The following ODAD2 variants were observed in gnomAD, a reference collection of about 807,000 sequenced individuals.
ODAD2 encodes outer dynein arm docking complex subunit 2, also known as outer dynein arm-docking complex subunit 2.
A neutral mutation model predicts 106.8 loss-of-function variants in ODAD2; 89 were observed. The ratio of observed to expected loss-of-function variants is 0.83; its 90% confidence interval spans 0.70 to 0.99. The LOEUF is 0.99. ODAD2 is among the 50% of genes least tolerant of loss of function. The pLI is 0.00. For missense variants in ODAD2, 1,168 were observed against 1,238.5 expected (o/e 0.94, Z 0.85); for synonymous variants, 404 against 436.2 (o/e 0.93, Z 0.92).
chr10:27,900,511 G>C (rs571881000), intron 17 of ODAD2, among the ~76,000 whole-genome samples: 17 of 152,042 alleles, frequency 1.1e-4, no homozygotes, highest in Middle Eastern at 3.4e-3. Context: ...TAACAAACTC[G>C]TCTGAGCTAA....
At position 27,852,229 on chromosome 10, in the gene ODAD2, G is replaced by C. The variant is rs572319767; in HGVS notation, c.3021+8396C>G. Among the ~76,000 whole-genome samples the C allele has an allele frequency of 2.6e-5, 4 of 152,272 alleles. No individual in the cohort carries two copies. The East Asian group carries it at 5.8e-4, about 22-fold the overall frequency. ...TATCAGGAGAAAATCTGCATTTACA[G>C]AAAGGAATAAATAGCACTGGAAACA... is the stretch of plus-strand genomic sequence containing the variant. On this transcript the variant is annotated intron_variant, in intron 19 of 19. Coordinates refer to ENST00000305242, the MANE Select transcript of ODAD2 (RefSeq NM_018076.5).
chr10:27,907,888 A>ATT (rs3839908), intron 16 of ODAD2, 111 bp from the exon 17 acceptor site: 1,452 of 584,436 alleles, frequency 2.5e-3, no homozygotes, highest in African/African-American at 4.7e-3. Context: ...TTTGCTTAGA[A>ATT]TTTTTTTTTT....
rs143874747 is a variant in ODAD2 at position 27,813,804 on chromosome 10, A to G, written c.3022-1179T>C. Among the ~76,000 whole-genome samples the G allele has an allele frequency of 1.3e-3, 191 of 152,314 alleles. 1 individual carries two copies. Among genetic ancestry groups the G allele is most frequent in the African/African-American group, 4.2e-3 (176 of 41,584 alleles). On this transcript the variant is annotated intron_variant, in intron 19 of 19. Transcript: ENST00000305242. ...AGAAAGGTAGCTCTTACAGCAAATT[A>G]TATAGACTGTAGAGAAAAGAGGAGG... is the stretch of plus-strand genomic sequence containing the variant.
At chr10:27,896,313 A>T (rs1842850803) in intron 17 of ODAD2, among the ~76,000 whole-genome samples, 1 of 152,234 alleles carries the variant, frequency 6.6e-6, no homozygotes, top group Admixed American at 6.5e-5. Context: ...ATCTGCTAGG[A>T]AAAGTCTGAC....
chr10:27,831,829 CTGTT>C (rs765196629), intron 19 of ODAD2, among the ~76,000 whole-genome samples: 93 of 152,372 alleles, frequency 6.1e-4, no homozygotes, highest in Admixed American at 1.4e-3. Flanking sequence ...TCAATGGAGC[CTGTT>C]TGTTTCTGCA....
chr10:27,887,066 T>A (rs1170674063), intron 17 of ODAD2, among the ~76,000 whole-genome samples: 1 of 151,958 alleles, frequency 6.6e-6, no homozygotes, highest in Non-Finnish European at 1.5e-5. Context: ...TCAAAATACA[T>A]TGGCAAAATG....
At chr10:27,881,788 A>G (rs1290373069) in intron 17 of ODAD2, among the ~76,000 whole-genome samples, 1 of 152,222 alleles carries the variant, frequency 6.6e-6, no homozygotes, top group Non-Finnish European at 1.5e-5. Flanking sequence ...TGTGTTGTAC[A>G]TTGTGAGATT....
chr10:27,833,740 A>G (rs1297134603), intron 19 of ODAD2, among the ~76,000 whole-genome samples: 4 of 152,198 alleles, frequency 2.6e-5, no homozygotes, highest in Admixed American at 6.5e-5. Flanking sequence ...GTAGACAAGA[A>G]AGGCTTGACT....
chr10:27,818,507 G>T (rs915128310), intron 19 of ODAD2, among the ~76,000 whole-genome samples: 2 of 152,072 alleles, frequency 1.3e-5, no homozygotes, highest in African/African-American at 4.8e-5. Context: ...TTACAGCCAG[G>T]TCATCACAAT....
At position 27,862,463 on chromosome 10, in the gene ODAD2, CA is replaced by C. The variant is rs1485690522; in HGVS notation, c.2769del (p.Val924PhefsTer15). ...ENLAVITDHG[V>X]VPLLSKLANT... ...TTTGCCAGTTTGGACAATAAAGGAA[CA>C]ACTCCATGATCTGTGATAACAGCTA... On this transcript the variant is annotated frameshift_variant, in exon 18 of 20. Coordinates refer to ENST00000305242, the MANE Select transcript of ODAD2 (RefSeq NM_018076.5). LOFTEE classifies it high-confidence loss of function. 1 of 1,609,386 alleles carries C rather than the reference CA, an allele frequency of 6.2e-7. No individual in the cohort carries two copies. The highest frequency in any genetic ancestry group is 8.5e-7 in the Non-Finnish European group (1 of 1,178,302).
At position 27,935,211 on chromosome 10, in the gene ODAD2, A is replaced by G. The variant is rs758289540; in HGVS notation, c.2294T>C (p.Leu765Pro). The change falls in exon 16 of 20, where the codon CTA (leucine) becomes CCA (proline). Residue 765 changes from leucine to proline, a missense_variant. Leu to Pro is a moderately conservative substitution (Grantham distance 98, BLOSUM62 -3). This residue lies in a region of ODAD2 where 701 missense variants were observed against 712.3 expected (regional missense o/e 0.98). Coordinates refer to ENST00000305242, the MANE Select transcript of ODAD2 (RefSeq NM_018076.5). ...YKAIETLVGL[L>P]TDQPEEVLVN... is the part of the protein sequence containing the mutation. ...AAGTACTTCTTCAGGCTGATCTGTT[A>G]GAAGTCCCACCAAGGTTTCAATGGC... 7 of 1,613,892 alleles carry G rather than the reference A, an allele frequency of 4.3e-6. No individual in the cohort carries two copies. The highest frequency in any genetic ancestry group is 4.2e-6 in the Non-Finnish European group (5 of 1,179,880).
At chr10:27,996,043 AAAG>A (rs764374725) in intron 1 of ODAD2, among the ~76,000 whole-genome samples, 4 of 152,370 alleles carry the variant, frequency 2.6e-5, no homozygotes, top group Admixed American at 6.5e-5. Context: ...TTAGTCTGTA[AAAG>A]AAGATCTTTT....
chr10:27,974,460 C>T (rs1289438647), intron 7 of ODAD2, among the ~76,000 whole-genome samples: 1 of 152,166 alleles, frequency 6.6e-6, no homozygotes, highest in African/African-American at 2.4e-5. Flanking sequence ...AGCCAGTTAT[C>T]CCAGCACCAT....
At position 27,907,673 on chromosome 10, in the gene ODAD2, T is replaced by C. The variant is rs375976968; in HGVS notation, c.2600A>G (p.Lys867Arg). 3.7e-6 allele frequency: 6 copies of C among 1,612,948 alleles called. No individual in the cohort carries two copies. Among genetic ancestry groups the C allele is most frequent in the Non-Finnish European group, 4.2e-6 (5 of 1,179,180 alleles). ...SAAWALCPCI[K>R]NAKDAGEMVR... is the part of the protein sequence containing the mutation. ...GCAGTCCGTTCTTACCTTTGCATTT[T>C]TGATGCATGGACAGAGTGCCCATGC... is the stretch of plus-strand genomic sequence containing the variant. The change falls in exon 17 of 20, where the codon AAA becomes AGA. Residue 867 changes from lysine (K) to arginine (R), a missense_variant. Coordinates refer to ENST00000305242, the MANE Select transcript of ODAD2 (RefSeq NM_018076.5).
chr10:27,916,213 A>G (rs1397004029), intron 16 of ODAD2, among the ~76,000 whole-genome samples: 1 of 152,100 alleles, frequency 6.6e-6, no homozygotes, highest in Non-Finnish European at 1.5e-5. Context: ...TCAAAAGCTG[A>G]GCAGGGTGAG....
intron 17 of ODAD2, 29 bp from the exon 18 acceptor site, chr10:27,862,651 T>C (rs372924711): frequency 1.9e-6 from 3 of 1,554,312 alleles, no homozygotes; most frequent in South Asian, 1.2e-5. Context: ...AAAGATGGTA[T>C]CAAAACTAAA....
intron 17 of ODAD2, among the ~76,000 whole-genome samples, chr10:27,873,224 C>T (rs1316498228): frequency 1.5e-5 from 2 of 137,804 alleles, no homozygotes; most frequent in African/African-American, 2.7e-5. Flanking sequence ...TTTTTTATTG[C>T]GTCTATTTGA....
chr10:27,938,315 AGGCCC>A (rs1846139355), intron 14 of ODAD2, among the ~76,000 whole-genome samples: 1 of 152,172 alleles, frequency 6.6e-6, no homozygotes, highest in Non-Finnish European at 1.5e-5. Flanking sequence ...TTACTTGAGT[AGGCCC>A]TGCTCCAATA....
chr10:27,962,080 TA>T (rs1166466731), intron 9 of ODAD2, among the ~76,000 whole-genome samples: 1 of 151,854 alleles, frequency 6.6e-6, no homozygotes, highest in Non-Finnish European at 1.5e-5. Flanking sequence ...TCTCAAAACA[TA>T]AAAATAAAAA....
Sources: allele counts gnomAD v4.1 joint callset (sites outside exome capture counted in the v4.1 genomes callset), GRCh38; gene constraint gnomAD v4.1.1; regional missense constraint gnomAD v4.1.1; transcripts MANE v1.5; gene names NCBI Gene and HGNC (gene_info 2026-07-23, HGNC 2026-07-21).